Variants in PTPRK observed in about 807,000 individuals in gnomAD.
The protein encoded by PTPRK is protein tyrosine phosphatase receptor type K.
PTPRK carries 75 observed loss-of-function variants against 178.0 expected under a neutral mutation model. The observed-to-expected ratio is 0.42, with a 90% CI of 0.35 to 0.51. The LOEUF (loss-of-function observed/expected upper bound fraction) is 0.51. PTPRK is among the 20% of genes least tolerant of loss of function. The pLI is 0.02. For synonymous variants in PTPRK, 637 were observed against 620.6 expected, an observed-to-expected ratio of 1.03 and a Z score of -0.39; for missense variants, 1,441 against 1,797.8, an observed-to-expected ratio of 0.80 and a Z score of 3.59.
At chr6:128,197,915 T>C (rs759905982) in intron 6 of PTPRK, among the ~76,000 whole-genome samples, 8 of 152,216 alleles carry the variant, frequency 5.3e-5, no homozygotes, top group Non-Finnish European at 1.0e-4. Flanking sequence ...GCAGAGAAAG[T>C]GATGTAATGA....
At chr6:128,136,485 A>G (rs1283927034) in intron 7 of PTPRK, among the ~76,000 whole-genome samples, 1 of 151,896 alleles carries the variant, frequency 6.6e-6, no homozygotes. Flanking sequence ...CTTACTTTTG[A>G]TTCAAATATT....
chr6:128,069,332 G>C (rs1252407563), intron 11 of PTPRK, among the ~76,000 whole-genome samples: 1 of 152,058 alleles, frequency 6.6e-6, no homozygotes, highest in Non-Finnish European at 1.5e-5. Flanking sequence ...AATTATATGT[G>C]CTGCATCATT....
At chr6:128,211,492 A>G (rs574514476) in intron 6 of PTPRK, among the ~76,000 whole-genome samples, 12 of 152,272 alleles carry the variant, frequency 7.9e-5, no homozygotes, top group Non-Finnish European at 1.5e-4. Flanking sequence ...GTACTATCAT[A>G]AACTTTGAAC....
chr6:128,090,512 A>G (rs369517955), intron 7 of PTPRK, among the ~76,000 whole-genome samples: 5 of 152,244 alleles, frequency 3.3e-5, no homozygotes, highest in African/African-American at 1.2e-4. Context: ...GATGTTGTTC[A>G]TCAAAGCAAA....
intron 29 of PTPRK, among the ~76,000 whole-genome samples, chr6:127,971,334 A>G (rs1182473213): frequency 1.3e-5 from 2 of 152,296 alleles, no homozygotes; most frequent in Non-Finnish European, 2.9e-5. Flanking sequence ...ACAGTCTAAA[A>G]TGCATATTAT....
chr6:128,239,954 G>A, intron 5 of PTPRK, 81 bp downstream of exon 5: 1 of 1,076,820 alleles, frequency 9.3e-7, no homozygotes, highest in Non-Finnish European at 1.4e-6. Context: ...CACTCAAAAG[G>A]ATGAGACAAC....
intron 1 of PTPRK, among the ~76,000 whole-genome samples, chr6:128,403,429 T>C (rs1383852719): frequency 6.6e-6 from 1 of 152,174 alleles, no homozygotes; most frequent in Non-Finnish European, 1.5e-5. Flanking sequence ...AGACACAGCC[T>C]GGAGTAATGG....
intron 28 of PTPRK, 99 bp downstream of exon 28, chr6:127,973,565 G>A: frequency 2.2e-6 from 3 of 1,355,166 alleles, no homozygotes; most frequent in Non-Finnish European, 3.1e-6. Context: ...TAACATCTAT[G>A]GGAGGTCCAT....
intron 7 of PTPRK, among the ~76,000 whole-genome samples, chr6:128,140,189 G>A (rs1436126005): frequency 6.6e-6 from 1 of 151,896 alleles, no homozygotes; most frequent in Non-Finnish European, 1.5e-5. Context: ...AGCTGAACAT[G>A]TTATTTTACA....
intron 22 of PTPRK, among the ~76,000 whole-genome samples, chr6:127,984,966 T>C (rs1049374725): frequency 3.3e-5 from 5 of 152,148 alleles, no homozygotes; most frequent in Admixed American, 6.5e-5. Flanking sequence ...CCTGAATAGG[T>C]TGGATTTTCA....
In PTPRK at chr6:128,497,623, C is replaced by A. The variant is rs142730947; in HGVS notation, c.100+22636G>T. On this transcript the variant is annotated intron_variant, in intron 1 of 29. Transcript: ENST00000368226. ...GCTTCCTTGTTTTGATTGAATTCAT[C>A]CTATTTCCCCTCTTTTAAAATTTCT... 8.3e-3 allele frequency among the ~76,000 whole-genome samples: 1,268 copies of A among 152,200 alleles called. 12 individuals carry two copies. The highest frequency in any genetic ancestry group is 0.012 in the Non-Finnish European group (825 of 68,002).
At chr6:128,091,369 C>G (rs992239302) in intron 7 of PTPRK, among the ~76,000 whole-genome samples, 2 of 152,156 alleles carry the variant, frequency 1.3e-5, no homozygotes, top group East Asian at 3.9e-4. Context: ...ATTTTCCCCA[C>G]CAGACACAAG....
intron 6 of PTPRK, among the ~76,000 whole-genome samples, chr6:128,202,162 A>C (rs1806078647): frequency 6.6e-6 from 1 of 152,176 alleles, no homozygotes; most frequent in Admixed American, 6.5e-5. Context: ...ACTGGGACTG[A>C]CTAGGCAAAC....
chr6:128,363,827 T>C (rs1158092188), intron 2 of PTPRK, among the ~76,000 whole-genome samples: 2 of 152,186 alleles, frequency 1.3e-5, no homozygotes, highest in East Asian at 3.8e-4. Flanking sequence ...GAGAATTTTC[T>C]GTCTTTACTT....
intron 1 of PTPRK, among the ~76,000 whole-genome samples, chr6:128,406,961 G>A (rs886374473): frequency 2.6e-5 from 4 of 152,186 alleles, no homozygotes; most frequent in African/African-American, 9.7e-5. Flanking sequence ...AATAGTGAAT[G>A]AAATTTTACA....
intron 5 of PTPRK, among the ~76,000 whole-genome samples, chr6:128,239,748 A>G (rs892102967): frequency 1.3e-5 from 2 of 152,234 alleles, no homozygotes; most frequent in African/African-American, 4.8e-5. Context: ...TTCATATTTC[A>G]AATGGATCTA....
chr6:128,158,867 T>C (rs1265684014), intron 7 of PTPRK, among the ~76,000 whole-genome samples: 1 of 151,898 alleles, frequency 6.6e-6, no homozygotes, highest in East Asian at 1.9e-4. Context: ...ACTTTACTCC[T>C]ATATACAGTA....
chr6:128,131,676 A>T (rs1260118171), intron 7 of PTPRK, among the ~76,000 whole-genome samples: 1 of 152,160 alleles, frequency 6.6e-6, no homozygotes, highest in East Asian at 1.9e-4. Flanking sequence ...CAGTTGTATC[A>T]TTGTGCTTGT....
chr6:128,352,858 A>T (rs1464964303), intron 2 of PTPRK, among the ~76,000 whole-genome samples: 1 of 152,210 alleles, frequency 6.6e-6, no homozygotes, highest in African/African-American at 2.4e-5. Flanking sequence ...TGTGCAAATA[A>T]ATCTTTGTAA....
Sources: gnomAD v4.1 joint callset for allele counts (sites outside exome capture counted in the v4.1 genomes callset) on GRCh38, gnomAD v4.1.1 for gene constraint, MANE v1.5 for transcripts, NCBI Gene and HGNC (gene_info 2026-07-23, HGNC 2026-07-21) for gene names.